DNAL4: variants seen among roughly 807,000 people sequenced by gnomAD.
DNAL4 encodes the protein dynein axonemal light chain 4.
DNAL4 carries 10 observed loss-of-function variants against 12.6 expected under a neutral mutation model. That is an observed-to-expected ratio of 0.79 (90% CI 0.49 to 1.34). The LOEUF (loss-of-function observed/expected upper bound fraction) is 1.34. DNAL4 is among the 40% of genes most tolerant of loss of function. The pLI, the probability that DNAL4 is intolerant of heterozygous loss-of-function variation, is 0.00. For missense variants in DNAL4, 128 were observed against 138.1 expected (o/e 0.93, Z 0.37); for synonymous variants, 46 against 53.1 (o/e 0.87, Z 0.58).
At chr22:38,786,413 G>A (rs553488295) in intron 1 of DNAL4, among the ~76,000 whole-genome samples, 44 of 152,282 alleles carry the variant, frequency 2.9e-4, no homozygotes, top group Middle Eastern at 6.8e-3. Flanking sequence ...ATAAAAATTA[G>A]CCGGATGTGG....
rs546025250 is a variant in DNAL4 at position 38,779,397 on chromosome 22, C to G, written c.*52G>C. ...ACCTGCCTAGGGCTGCTCCCCACCC[C>G]AGATGAGTGGCAGGAAAAGGCCCTG... On this transcript the variant is annotated 3_prime_UTR_variant, in exon 4 of 4. Coordinates refer to ENST00000216068, the MANE Select transcript of DNAL4 (RefSeq NM_005740.3). The surrounding 1 kb of genome is among the most constrained non-coding windows in gnomAD (Gnocchi z 4.3). 1.3e-6 allele frequency: 2 copies of G among 1,533,596 alleles called. No homozygotes were observed. Among genetic ancestry groups the G allele is most frequent in the East Asian group, 4.9e-5 (2 of 40,862 alleles). The allele number at this position is 1,533,596 out of a possible 1,614,324, so 95.0% of individuals were successfully genotyped here. A position where few individuals can be genotyped will look rare whatever the true frequency, so the allele number is the denominator to read the frequency against.
intron 3 of DNAL4, among the ~76,000 whole-genome samples, chr22:38,780,145 G>A (rs2093032053): frequency 6.6e-6 from 1 of 152,204 alleles, no homozygotes; most frequent in African/African-American, 2.4e-5. Context: ...GAGGTCTAGA[G>A]GGGCAGGGAC....
chr22:38,787,307 T>C (rs557431175), intron 1 of DNAL4, among the ~76,000 whole-genome samples: 135 of 151,864 alleles, frequency 8.9e-4, no homozygotes, highest in Admixed American at 3.0e-3. Context: ...AGTGACGCGA[T>C]CTCGGCTCAC....
chr22:38,787,449 C>T (rs184216210), intron 1 of DNAL4, among the ~76,000 whole-genome samples: 17 of 152,058 alleles, frequency 1.1e-4, no homozygotes, highest in African/African-American at 4.1e-4. Flanking sequence ...ACCATGTTGG[C>T]CAGGCTGGTC....
intron 1 of DNAL4, among the ~76,000 whole-genome samples, chr22:38,783,269 T>C (rs2093037112): frequency 7.2e-6 from 1 of 139,666 alleles, no homozygotes; most frequent in Admixed American, 7.0e-5. Flanking sequence ...ACACGGGCCT[T>C]CCCTCCCACT....
At chr22:38,780,693 C>T (rs1011556715) in intron 3 of DNAL4, 22 of 512,390 alleles carry the variant, frequency 4.3e-5, no homozygotes, top group Non-Finnish European at 7.0e-5. Flanking sequence ...TGGGCAGGGG[C>T]GTCATGGAGA....
At chr22:38,783,073 G>A (rs1176276543) in intron 1 of DNAL4, among the ~76,000 whole-genome samples, 2 of 152,114 alleles carry the variant, frequency 1.3e-5, no homozygotes, top group African/African-American at 4.8e-5. Context: ...GTACGATGCC[G>A]CAAGCCCACA....
intron 1 of DNAL4, chr22:38,786,094 T>C (rs1417938176): frequency 6.6e-6 from 1 of 152,228 alleles, no homozygotes; most frequent in East Asian, 1.9e-4. Flanking sequence ...TGTATCATTA[T>C]AGTACAGCTA....
At chr22:38,780,843 C>G (rs2093033137) in intron 3 of DNAL4, 83 bp downstream of exon 3, 2 of 1,388,690 alleles carry the variant, frequency 1.4e-6, no homozygotes, top group East Asian at 4.6e-5. Flanking sequence ...CTGTCTGGAG[C>G]CAACTGCAGG....
At chr22:38,791,835 C>A (rs986957842) in intron 1 of DNAL4, among the ~76,000 whole-genome samples, 1 of 151,252 alleles carries the variant, frequency 6.6e-6, no homozygotes, top group African/African-American at 2.4e-5. Context: ...GGATTACAGG[C>A]GCCTGCCACC....
rs140499949 is a variant in DNAL4 at position 38,779,883 on chromosome 22, C to A, written c.154-270G>T. ...GGCAAGCATCAGGTCTGGAGATAGC[C>A]TGGGGCTGCGTCCTGGCTCTGCACT... On this transcript the variant is annotated intron_variant, in intron 3 of 3. Transcript: ENST00000216068. The surrounding 1 kb of genome is among the most constrained non-coding windows in gnomAD (Gnocchi z 4.3). Among the ~76,000 whole-genome samples, 83 of 152,324 alleles carry A rather than the reference C, an allele frequency of 5.4e-4. No individual in the cohort carries two copies. The East Asian group carries it at 0.015, about 27-fold the overall frequency.
intron 3 of DNAL4, among the ~76,000 whole-genome samples, chr22:38,780,186 G>A (rs73417456): frequency 5.5e-4 from 84 of 152,338 alleles, no homozygotes; most frequent in African/African-American, 2.0e-3. Flanking sequence ...CCAGGTGCAG[G>A]CGCCTGAGGT....
At chr22:38,789,476 A>T (rs902743227) in intron 1 of DNAL4, among the ~76,000 whole-genome samples, 1 of 151,842 alleles carries the variant, frequency 6.6e-6, no homozygotes, top group Non-Finnish European at 1.5e-5. Context: ...GGGTTTTGCC[A>T]TGTTGCCCAG....
At chr22:38,780,454 C>G (rs570176102) in intron 3 of DNAL4, among the ~76,000 whole-genome samples, 1 of 152,216 alleles carries the variant, frequency 6.6e-6, no homozygotes. Flanking sequence ...GCCTCCCCAC[C>G]GGCTGCCGCA....
intron 2 of DNAL4, among the ~76,000 whole-genome samples, chr22:38,781,308 G>C (rs1430441151): frequency 6.6e-6 from 1 of 152,254 alleles, no homozygotes; most frequent in African/African-American, 2.4e-5. Context: ...TGCTGGCTAT[G>C]GAAGTGTGTT....
intron 2 of DNAL4, among the ~76,000 whole-genome samples, chr22:38,781,475 C>A (rs1010693686): frequency 1.3e-5 from 2 of 152,104 alleles, no homozygotes; most frequent in African/African-American, 4.8e-5. Flanking sequence ...CACCTCCACT[C>A]TCCCATCTCC....
intron 1 of DNAL4, among the ~76,000 whole-genome samples, chr22:38,784,243 C>T (rs964822345): frequency 2.6e-5 from 4 of 152,200 alleles, no homozygotes; most frequent in Non-Finnish European, 4.4e-5. Context: ...GCAACAACCC[C>T]GGGAGTTCGG....
intron 1 of DNAL4, among the ~76,000 whole-genome samples, chr22:38,793,176 C>A (rs1168979105): frequency 2.0e-5 from 3 of 152,186 alleles, no homozygotes; most frequent in Non-Finnish European, 4.4e-5. Flanking sequence ...TCTGTCCCCT[C>A]CCCACCCCTA....
chr22:38,787,887 G>A (rs2093044797), intron 1 of DNAL4, among the ~76,000 whole-genome samples: 1 of 152,188 alleles, frequency 6.6e-6, no homozygotes, highest in South Asian at 2.1e-4. Flanking sequence ...GCTCAGAGAG[G>A]TTTTATGGGT....
Sources: allele counts gnomAD v4.1 joint callset (sites outside exome capture counted in the v4.1 genomes callset), GRCh38; gene constraint gnomAD v4.1.1; non-coding constraint Gnocchi (gnomAD v3.1); transcripts MANE v1.5; gene names NCBI Gene and HGNC (gene_info 2026-07-23, HGNC 2026-07-21).